The following ARHGAP32 variants were observed in gnomAD, a reference collection of about 807,000 sequenced individuals.
ARHGAP32 encodes the protein rho GTPase-activating protein 32.
ARHGAP32 carries 51 observed loss-of-function variants against 186.5 expected under a neutral mutation model. The ratio of observed to expected loss-of-function variants is 0.27; its 90% CI spans 0.22 to 0.35. The LOEUF (loss-of-function observed/expected upper bound fraction) is 0.35. ARHGAP32 is among the 10% of genes least tolerant of loss of function. The pLI is 1.00. For missense variants in ARHGAP32, 2,186 were observed against 2,623.5 expected (o/e 0.83, Z 3.64); for synonymous variants, 950 against 964.3 (o/e 0.99, Z 0.27).
rs781445394 is a variant in ARHGAP32 at position 129,138,315 on chromosome 11, AGAAC to A, written c.226-13425_226-13422del. 2.0e-3 allele frequency among the ~76,000 whole-genome samples: 182 copies of A among 90,356 alleles called. 8 individuals carry two copies. Among genetic ancestry groups the A allele is most frequent in the Middle Eastern group, 0.018 (3 of 168 alleles). The allele number at this position is 90,356 out of a possible 152,430, so 59.3% of individuals were successfully genotyped here. A position where few individuals can be genotyped will look rare whatever the true frequency, so the allele number is the denominator to read the frequency against. On this transcript the variant is annotated intron_variant, in intron 2 of 22. Coordinates refer to ENST00000682385, the MANE Select transcript of ARHGAP32 (RefSeq NM_001378024.1). ...TACTGGTAAAAAAAAAAAAAAAAAA[AGAAC>A]AATGCCGTCTTAAAAAGTAGAGCAT...
intron 8 of ARHGAP32, 124 bp from the exon 9 acceptor site, chr11:129,064,148 A>AC: frequency 2.2e-6 from 2 of 916,980 alleles, no homozygotes; most frequent in Non-Finnish European, 3.1e-6. Flanking sequence ...TAAAAAAAAA[A>AC]ACTACCATTT....
chr11:129,072,812 G>A (rs967969457), intron 6 of ARHGAP32, among the ~76,000 whole-genome samples: 8 of 152,160 alleles, frequency 5.3e-5, no homozygotes, highest in Admixed American at 6.5e-5. Context: ...GTGCTCTTAA[G>A]AGGGACAGGA....
chr11:129,040,027 T>C (rs184046072), intron 11 of ARHGAP32, among the ~76,000 whole-genome samples: 1 of 152,244 alleles, frequency 6.6e-6, no homozygotes. Flanking sequence ...CTTTGAAAGG[T>C]ATTATTAACC....
intron 2 of ARHGAP32, among the ~76,000 whole-genome samples, chr11:129,145,894 G>T (rs546174037): frequency 6.6e-6 from 1 of 152,056 alleles, no homozygotes; most frequent in East Asian, 1.9e-4. Context: ...CAGAGAAGAC[G>T]TACCACGGGA....
intron 1 of ARHGAP32, among the ~76,000 whole-genome samples, chr11:129,238,613 C>T (rs187880326): frequency 1.3e-5 from 2 of 152,174 alleles, no homozygotes; most frequent in Admixed American, 6.5e-5. Context: ...TGTGGTGGCA[C>T]GCACCTGTAG....
rs749314301 is a variant in ARHGAP32 at position 128,974,169 on chromosome 11, A to G, written c.3028T>C (p.Ser1010Pro). 1 of 1,614,214 alleles carries G rather than the reference A, an allele frequency of 6.2e-7. No individual in the cohort carries two copies. The highest frequency in any genetic ancestry group is 1.3e-5 in the African/African-American group (1 of 75,058). The change falls in exon 21 of 23, where the codon TCA becomes CCA. Residue 1010 changes from serine to proline, a missense_variant. Physicochemically the swap from Ser to Pro is moderately conservative, Grantham distance 74. Transcript: ENST00000682385. ...GCTACAGCCTTACTCTGACTGCTTG[A>G]GACAGACTGATCCTCTTTCCCTGGC... ...ELPGKEDQSV[S>P]SSQSKAVASG... is the part of the protein sequence containing the mutation.
At chr11:129,044,131 G>A (rs1939713347) in intron 10 of ARHGAP32, among the ~76,000 whole-genome samples, 1 of 152,058 alleles carries the variant, frequency 6.6e-6, no homozygotes, top group African/African-American at 2.4e-5. Context: ...TCTTAAGTCT[G>A]CCACTCACTA....
intron 1 of ARHGAP32, among the ~76,000 whole-genome samples, chr11:129,235,547 AAC>A: frequency 6.6e-6 from 1 of 152,164 alleles, no homozygotes. Flanking sequence ...GGTCCATAAA[AAC>A]ACAGCATTAC....
intron 1 of ARHGAP32, among the ~76,000 whole-genome samples, chr11:129,256,964 C>T (rs918133085): frequency 2.0e-5 from 3 of 152,064 alleles, no homozygotes; most frequent in African/African-American, 7.2e-5. Flanking sequence ...AATTTCTAGG[C>T]AGGAGGAAAG....
At chr11:128,985,002 T>C (rs1235243480) in intron 15 of ARHGAP32, among the ~76,000 whole-genome samples, 1 of 152,160 alleles carries the variant, frequency 6.6e-6, no homozygotes, top group Non-Finnish European at 1.5e-5. Context: ...GCAAAGGTGA[T>C]AAACATTAAA....
rs769793630 is a variant in ARHGAP32 at position 129,124,784 on chromosome 11, A to G, written c.317+19T>C. ...ATTCGTAGGAATTCATTTAGAATCC[A>G]CTGTAAAGTTATACTCACTTTTTCA... On this transcript the variant is annotated intron_variant, in intron 3 of 22. Transcript: ENST00000682385. 2.6e-6 allele frequency: 4 copies of G among 1,535,380 alleles called. No homozygotes were observed. The highest frequency in any genetic ancestry group is 3.5e-6 in the Non-Finnish European group (4 of 1,127,648).
chr11:129,075,571 C>A (rs1216290336), intron 6 of ARHGAP32, among the ~76,000 whole-genome samples: 1 of 151,990 alleles, frequency 6.6e-6, no homozygotes, highest in Non-Finnish European at 1.5e-5. Flanking sequence ...TTATTTAACA[C>A]CCCCCTATTA....
rs1945207497 is a variant in ARHGAP32, at chr11:128,965,680, T to TTTCATTATTACTTTCTTACA, written c.*3207_*3226dup. 6.6e-6 allele frequency: 1 copy of TTTCATTATTACTTTCTTACA among 152,220 alleles called. No individual in the cohort carries two copies. The highest frequency in any genetic ancestry group is 1.5e-5 in the Non-Finnish European group (1 of 68,052). The allele number at this position is 152,220 out of a possible 1,614,324, so 9.4% of individuals were successfully genotyped here. A position where few individuals can be genotyped will look rare whatever the true frequency, so the allele number is the denominator to read the frequency against. Reference sequence around the variant, plus strand: ...AAGTAACTGTCTGACATACTTTTGCTTTCATTATTACTTTCTTACACATTC... The same window carrying TTTCATTATTACTTTCTTACA: ...AAGTAACTGTCTGACATACTTTTGCTTTCATTATTACTTTCTTACATTCATTATTACTTTCTTACACATTC... On this transcript the variant is annotated 3_prime_UTR_variant, in exon 23 of 23. Transcript: ENST00000682385.
chr11:129,110,124 TGAGA>T (rs1422704826), intron 5 of ARHGAP32, among the ~76,000 whole-genome samples: 1 of 152,170 alleles, frequency 6.6e-6, no homozygotes, highest in African/African-American at 2.4e-5. Context: ...TTTTATATGA[TGAGA>T]GATAGGGGTT....
intron 6 of ARHGAP32, among the ~76,000 whole-genome samples, chr11:129,073,929 G>A (rs932612559): frequency 2.0e-5 from 3 of 152,072 alleles, no homozygotes; most frequent in African/African-American, 4.8e-5. Flanking sequence ...AGAGAGTAGA[G>A]TAAATGTTTT....
chr11:129,174,133 C>T (rs543766725), intron 1 of ARHGAP32, among the ~76,000 whole-genome samples: 5 of 152,312 alleles, frequency 3.3e-5, no homozygotes, highest in South Asian at 4.1e-4. Context: ...ACTCGGGAAG[C>T]GCAGAGGGTC....
chr11:129,277,214 T>C (rs1945542327), intron 1 of ARHGAP32, among the ~76,000 whole-genome samples: 1 of 151,414 alleles, frequency 6.6e-6, no homozygotes, highest in Non-Finnish European at 1.5e-5. Context: ...AATAAAAACA[T>C]CGTTTATATA....
At chr11:129,242,581 G>A (rs1485696108) in intron 1 of ARHGAP32, among the ~76,000 whole-genome samples, 1 of 151,878 alleles carries the variant, frequency 6.6e-6, no homozygotes, top group African/African-American at 2.4e-5. Flanking sequence ...AGCCGGGCGT[G>A]GTGGCGGGCG....
chr11:129,277,030 T>C (rs1246700980), intron 1 of ARHGAP32, among the ~76,000 whole-genome samples: 1 of 152,252 alleles, frequency 6.6e-6, no homozygotes, highest in Admixed American at 6.5e-5. Flanking sequence ...AGTTCAACTA[T>C]GTTAAGTTCC....
Sources: gnomAD v4.1 joint callset for allele counts (sites outside exome capture counted in the v4.1 genomes callset) on GRCh38, gnomAD v4.1.1 for gene constraint, MANE v1.5 for transcripts, NCBI Gene and HGNC (gene_info 2026-07-23, HGNC 2026-07-21) for gene names.